The following PSMD14 variants were observed in gnomAD, a reference collection of about 807,000 sequenced individuals.
PSMD14 encodes the protein proteasome 26S subunit, non-ATPase 14.
A neutral mutation model predicts 41.2 loss-of-function variants in PSMD14; 7 were observed. That is an observed-to-expected ratio of 0.17 (90% CI 0.10 to 0.32). PSMD14 has a LOEUF of 0.32. Ranked by LOEUF, PSMD14 falls within the 10% of genes least tolerant of loss-of-function variation. The pLI, the probability that PSMD14 is intolerant of heterozygous loss-of-function variation, is 1.00. For synonymous variants in PSMD14, 114 were observed against 122.3 expected (o/e 0.93, Z 0.45); for missense variants, 139 against 375.6 (o/e 0.37, Z 5.21).
intron 10 of PSMD14, chr2:161,408,523 G>A (rs777643259): frequency 3.1e-6 from 1 of 317,554 alleles, no homozygotes; most frequent in African/African-American, 2.2e-5. Flanking sequence ...TGCCACCTCA[G>A]GTACTTCCAT....
chr2:161,314,855 G>A (rs998073376), intron 1 of PSMD14, among the ~76,000 whole-genome samples: 2 of 152,184 alleles, frequency 1.3e-5, no homozygotes, highest in African/African-American at 4.8e-5. Flanking sequence ...TGTGAATAGT[G>A]ATGGTGTAAA....
chr2:161,351,839 T>A (rs1428171305), intron 3 of PSMD14, among the ~76,000 whole-genome samples: 1 of 152,176 alleles, frequency 6.6e-6, no homozygotes, highest in Non-Finnish European at 1.5e-5. Flanking sequence ...ACATGGCCAC[T>A]CTGCTTACAT....
At chr2:161,364,977 C>G (rs1683339519) in intron 3 of PSMD14, among the ~76,000 whole-genome samples, 1 of 151,992 alleles carries the variant, frequency 6.6e-6, no homozygotes, top group Admixed American at 6.6e-5. Flanking sequence ...GGTGACATGC[C>G]CCTTGTAATC....
chr2:161,356,027 T>TG (rs2105249785), intron 3 of PSMD14, among the ~76,000 whole-genome samples: 1 of 143,288 alleles, frequency 7.0e-6, no homozygotes, highest in African/African-American at 2.6e-5. Context: ...ATATAGTCAT[T>TG]GAAACTGTCA....
chr2:161,350,192 A>C (rs1016988445), intron 3 of PSMD14, among the ~76,000 whole-genome samples: 29 of 152,206 alleles, frequency 1.9e-4, no homozygotes, highest in Admixed American at 1.2e-3. Flanking sequence ...TTACTTGGGG[A>C]TAGGGTTGCC....
chr2:161,382,121 GTTTA>G (rs1451151640), intron 7 of PSMD14: 6 of 151,814 alleles, frequency 4.0e-5, no homozygotes, highest in Non-Finnish European at 8.8e-5. Flanking sequence ...GTGTGATTGT[GTTTA>G]TTTTACTAAC....
intron 3 of PSMD14, among the ~76,000 whole-genome samples, chr2:161,331,156 A>G (rs756303621): frequency 6.6e-6 from 1 of 151,396 alleles, no homozygotes; most frequent in Non-Finnish European, 1.5e-5. Flanking sequence ...TTTAATTTGT[A>G]CCTGGTTTCA....
In PSMD14 at chr2:161,317,260, C is replaced by G. The variant is rs79796151; in HGVS notation, c.-5+691C>G. 2.7e-3 allele frequency among the ~76,000 whole-genome samples: 407 copies of G among 152,108 alleles called. 1 individual carries two copies. Among genetic ancestry groups the G allele is most frequent in the Non-Finnish European group, 4.5e-3 (309 of 68,004 alleles). On this transcript the variant is annotated intron_variant, in intron 2 of 11. Coordinates refer to ENST00000409682, the MANE Select transcript of PSMD14 (RefSeq NM_005805.6). ...TGCTATTAGGAGGATGAGTTAAGAT[C>G]GTGAAGTGGAAATTTTGTCTGTATT...
chr2:161,322,609 T>TG (rs1215328232), intron 3 of PSMD14, among the ~76,000 whole-genome samples: 1 of 152,124 alleles, frequency 6.6e-6, no homozygotes. Flanking sequence ...GGGCTGGTCT[T>TG]GAACTCCTGA....
intron 7 of PSMD14, chr2:161,384,586 A>T (rs1683610346): frequency 6.6e-6 from 1 of 151,744 alleles, no homozygotes; most frequent in African/African-American, 2.4e-5. Context: ...AGATTGTTTC[A>T]TGTGATAAAT....
chr2:161,367,495 T>C lies in PSMD14; in HGVS notation c.66T>C (p.Ala22=). Residue 22 remains alanine (A), a synonymous_variant, in exon 4 of 12, where the codon GCT becomes GCC. Transcript: ENST00000409682. ...PGLGQGPPTD[A]PAVDTAEQVY... ...GTTTCTAGGGGCCACCTACAGATGC[T>C]CCTGCAGTGGACACAGCAGAACAAG... 1.3e-6 allele frequency: 2 copies of C among 1,598,570 alleles called. No homozygotes were observed. Among genetic ancestry groups the C allele is most frequent in the Non-Finnish European group, 1.7e-6 (2 of 1,171,638 alleles).
intron 11 of PSMD14, 42 bp from the exon 12 acceptor site, chr2:161,411,260 A>C: frequency 7.3e-7 from 1 of 1,367,716 alleles, no homozygotes; most frequent in Non-Finnish European, 1.0e-6. Flanking sequence ...ATCTACCAGT[A>C]ATATGGTTCT....
chr2:161,386,340 A>G (rs1683635255), intron 8 of PSMD14, among the ~76,000 whole-genome samples: 2 of 151,926 alleles, frequency 1.3e-5, no homozygotes, highest in African/African-American at 2.4e-5. Flanking sequence ...GAATACATAA[A>G]ACAAAGACAT....
intron 10 of PSMD14, 101 bp from the exon 11 acceptor site, chr2:161,408,736 T>C (rs1255258792): frequency 1.2e-6 from 1 of 807,238 alleles, no homozygotes. Context: ...ATAAAAGTTG[T>C]ATGAATGAAA....
chr2:161,326,691 T>A (rs750409298), intron 3 of PSMD14, among the ~76,000 whole-genome samples: 1 of 152,142 alleles, frequency 6.6e-6, no homozygotes, highest in African/African-American at 2.4e-5. Flanking sequence ...ATAAAATGCA[T>A]ATACACTCAT....
At chr2:161,370,985 C>T (rs1475707960) in intron 6 of PSMD14, among the ~76,000 whole-genome samples, 187 bp from the exon 7 acceptor site, 1 of 152,186 alleles carries the variant, frequency 6.6e-6, no homozygotes, top group Non-Finnish European at 1.5e-5. Context: ...TCCTTTGTCA[C>T]ACATATTCAT....
intron 7 of PSMD14, chr2:161,382,026 C>T (rs1209157101): frequency 6.6e-6 from 1 of 151,648 alleles, no homozygotes; most frequent in Admixed American, 6.6e-5. Flanking sequence ...AAATATGTGT[C>T]TTCTACTTGG....
intron 3 of PSMD14, among the ~76,000 whole-genome samples, chr2:161,323,617 A>C (rs1190985194): frequency 6.6e-6 from 1 of 151,986 alleles, no homozygotes; most frequent in Non-Finnish European, 1.5e-5. Context: ...GAGCCAAGGT[A>C]GTACCACTGC....
intron 7 of PSMD14, chr2:161,383,224 C>G (rs957464190): frequency 6.6e-6 from 1 of 151,772 alleles, no homozygotes; most frequent in African/African-American, 2.4e-5. Context: ...GACTATATTG[C>G]CATGTTTATA....
Sources: allele counts gnomAD v4.1 joint callset (sites outside exome capture counted in the v4.1 genomes callset), GRCh38; gene constraint gnomAD v4.1.1; transcripts MANE v1.5; gene names NCBI Gene and HGNC (gene_info 2026-07-23, HGNC 2026-07-21).